The following NRXN3 variants were observed in gnomAD, a reference collection of about 807,000 sequenced individuals.
The protein encoded by NRXN3 is neurexin 3, also known as neurexin III.
In NRXN3, 32 loss-of-function variants were observed where a neutral mutation model predicts 137.6. The ratio of observed to expected loss-of-function variants is 0.23; its 90% CI spans 0.18 to 0.31. The LOEUF (loss-of-function observed/expected upper bound fraction) is 0.31, where lower values mean the gene tolerates loss of function less well. Among genes scored for constraint, NRXN3 ranks in the 10% least tolerant of loss-of-function variants. The probability of loss-of-function intolerance (pLI) is 1.00; values close to 1 mark genes in which losing one functional copy is unlikely to be tolerated. For missense variants in NRXN3, 1,574 were observed against 2,062.5 expected, an observed-to-expected ratio of 0.76 and a Z score of 4.59; for synonymous variants, 798 against 784.5, an observed-to-expected ratio of 1.02 and a Z score of -0.29.
intron 16 of NRXN3, among the ~76,000 whole-genome samples, chr14:79,511,653 C>T (rs945284655): frequency 6.6e-6 from 1 of 152,086 alleles, no homozygotes; most frequent in Non-Finnish European, 1.5e-5. Flanking sequence ...GCAAACTTGT[C>T]CCCATTTAGT....
chr14:78,180,737 C>T (rs540947427), intron 1 of NRXN3, among the ~76,000 whole-genome samples: 2 of 152,258 alleles, frequency 1.3e-5, no homozygotes, highest in Non-Finnish European at 2.9e-5. Context: ...AGATCCTGGG[C>T]CCCATAAATC....
At chr14:78,756,711 A>G (rs1196296193) in intron 8 of NRXN3, among the ~76,000 whole-genome samples, 1 of 148,992 alleles carries the variant, frequency 6.7e-6, no homozygotes, top group African/African-American at 2.6e-5. Flanking sequence ...TGGAAACAGC[A>G]TTGAAGAACT....
intron 19 of NRXN3, among the ~76,000 whole-genome samples, chr14:79,804,239 C>T (rs1008248169): frequency 2.6e-5 from 4 of 152,068 alleles, no homozygotes; most frequent in Middle Eastern, 3.4e-3. Context: ...TTGTTTTTTG[C>T]ATAAGATCTG....
At chr14:79,508,389 G>GTTTTTTTTTTTTTTTTTT (rs1567328889) in intron 16 of NRXN3, among the ~76,000 whole-genome samples, 7 of 12,556 alleles carry the variant, frequency 5.6e-4, no homozygotes, top group African/African-American at 6.5e-4. Context: ...AACAATAACT[G>GTTTTTTTTTTTTTTTTTT]ATTTTTTTTT....
rs771133096 is a variant in NRXN3, at chr14:79,142,425, CA to C, written c.3262+154296del. On this transcript the variant is annotated intron_variant, in intron 15 of 20. Coordinates refer to ENST00000335750, the MANE Select transcript of NRXN3 (RefSeq NM_001330195.2). ...TGGGAGACATAGTGAGACTCCGTTT[CA>C]AAAAAAAAAAAGTAAAGGGCAGACA... Among the ~76,000 whole-genome samples the C allele has an allele frequency of 2.4e-3, 313 of 131,116 alleles. 2 individuals are homozygous for C. Among genetic ancestry groups the C allele is most frequent in the African/African-American group, 6.5e-3 (230 of 35,344 alleles). 86.0% of individuals were successfully genotyped at this position (131,116 alleles called of 152,430 possible). A position where few individuals can be genotyped will look rare whatever the true frequency, so the allele number is the denominator to read the frequency against.
chr14:79,853,947 C>A, intron 20 of NRXN3: 2 of 988,700 alleles, frequency 2.0e-6, no homozygotes, highest in South Asian at 9.2e-5. Flanking sequence ...CCCAAACCCC[C>A]CAAAGTAAAA....
At chr14:79,014,401 C>T (rs1317713775) in intron 15 of NRXN3, among the ~76,000 whole-genome samples, 3 of 152,110 alleles carry the variant, frequency 2.0e-5, no homozygotes, top group East Asian at 1.9e-4. Context: ...GCATAATAGC[C>T]TCTAACTCCA....
chr14:78,437,452 G>T (rs1278408638), intron 4 of NRXN3, among the ~76,000 whole-genome samples: 1 of 151,788 alleles, frequency 6.6e-6, no homozygotes, highest in Non-Finnish European at 1.5e-5. Flanking sequence ...GGGTTCAAGT[G>T]ATTCCCTTGT....
At chr14:79,749,246 G>A (rs573592155) in intron 19 of NRXN3, among the ~76,000 whole-genome samples, 180 of 152,076 alleles carry the variant, frequency 1.2e-3, no homozygotes, top group Non-Finnish European at 2.0e-3. Context: ...TATGGAAAAT[G>A]TGTGTGCTCA....
chr14:78,865,990 A>G (rs548314806), intron 10 of NRXN3, among the ~76,000 whole-genome samples: 1 of 152,296 alleles, frequency 6.6e-6, no homozygotes, highest in Non-Finnish European at 1.5e-5. Context: ...ATCAGGGAAG[A>G]AAAAAGCCAA....
At chr14:78,378,313 C>T (rs1334493112) in intron 4 of NRXN3, among the ~76,000 whole-genome samples, 1 of 152,020 alleles carries the variant, frequency 6.6e-6, no homozygotes, top group African/African-American at 2.4e-5. Context: ...GGTGAAACCT[C>T]GTTTCCACTA....
chr14:78,859,308 C>A (rs547073492), intron 10 of NRXN3, among the ~76,000 whole-genome samples: 1 of 152,082 alleles, frequency 6.6e-6, no homozygotes, highest in Non-Finnish European at 1.5e-5. Context: ...TCCTTCATAG[C>A]GGTGTGAGAA....
At chr14:78,461,087 G>A (rs1179108817) in intron 4 of NRXN3, among the ~76,000 whole-genome samples, 1 of 152,162 alleles carries the variant, frequency 6.6e-6, no homozygotes, top group African/African-American at 2.4e-5. Flanking sequence ...TAATAACAAG[G>A]TTCAAATTAG....
chr14:79,768,624 C>T (rs1250987305), intron 19 of NRXN3, among the ~76,000 whole-genome samples: 1 of 152,184 alleles, frequency 6.6e-6, no homozygotes, highest in Non-Finnish European at 1.5e-5. Context: ...CCCATCTGTA[C>T]ATCACCATCA....
At chr14:79,774,726 T>G (rs1178418003) in intron 19 of NRXN3, among the ~76,000 whole-genome samples, 16 of 152,168 alleles carry the variant, frequency 1.1e-4, no homozygotes, top group Non-Finnish European at 1.6e-4. Flanking sequence ...ACATGCAGAT[T>G]CTAGATATTA....
At chr14:79,329,571 G>A (rs1030329844) in intron 15 of NRXN3, among the ~76,000 whole-genome samples, 1 of 152,138 alleles carries the variant, frequency 6.6e-6, no homozygotes. Flanking sequence ...ACAAATGGAC[G>A]TGACTGTGTT....
At chr14:79,767,219 C>T (rs772650468) in intron 19 of NRXN3, among the ~76,000 whole-genome samples, 1 of 152,218 alleles carries the variant, frequency 6.6e-6, no homozygotes, top group Non-Finnish European at 1.5e-5. Flanking sequence ...CCTCCCAGCC[C>T]TACTGGGGCC....
At chr14:78,338,975 G>A (rs2081837859) in intron 4 of NRXN3, among the ~76,000 whole-genome samples, 1 of 152,096 alleles carries the variant, frequency 6.6e-6, no homozygotes, top group Non-Finnish European at 1.5e-5. Flanking sequence ...TGAATTATTG[G>A]CTTTTTGTAT....
At chr14:79,327,300 G>A (rs114108418) in intron 15 of NRXN3, among the ~76,000 whole-genome samples, 3,351 of 152,160 alleles carry the variant, frequency 0.022, 121 homozygotes, top group African/African-American at 0.077. Flanking sequence ...ATAGATTCTC[G>A]TCTTTTCCTT....
Sources: gnomAD v4.1 joint callset for allele counts (sites outside exome capture counted in the v4.1 genomes callset) on GRCh38, gnomAD v4.1.1 for gene constraint, MANE v1.5 for transcripts, NCBI Gene and HGNC (gene_info 2026-07-23, HGNC 2026-07-21) for gene names.